LRP1B: variants seen among roughly 807,000 people sequenced by gnomAD.
LRP1B encodes the protein low-density lipoprotein receptor-related protein 1B.
In LRP1B, 217 loss-of-function variants were observed where a neutral mutation model predicts 556.6. The ratio of observed to expected loss-of-function variants is 0.39; its 90% CI spans 0.35 to 0.44. LRP1B has a LOEUF of 0.44. Among genes scored for constraint, LRP1B ranks in the 20% least tolerant of loss-of-function variants. LRP1B has a pLI of 1.00. For missense variants in LRP1B, 5,053 were observed against 5,620.8 expected (o/e 0.90, Z 3.23); for synonymous variants, 2,047 against 1,865.8 (o/e 1.10, Z -2.50).
intron 52 of LRP1B, 115 bp from the exon 53 acceptor site, chr2:140,507,033 A>C: frequency 9.1e-7 from 1 of 1,099,844 alleles, no homozygotes; most frequent in Admixed American, 2.6e-5. Context: ...TTACTGAGAA[A>C]AAGAAAACTT....
intron 7 of LRP1B, among the ~76,000 whole-genome samples, chr2:141,119,464 A>C (rs1274271125): frequency 6.6e-6 from 1 of 151,794 alleles, no homozygotes; most frequent in Non-Finnish European, 1.5e-5. Flanking sequence ...TACTAAAGTG[A>C]GAGAGGGAGG....
chr2:140,389,650 C>T (rs888310246), intron 66 of LRP1B, among the ~76,000 whole-genome samples: 4 of 147,788 alleles, frequency 2.7e-5, no homozygotes, highest in Non-Finnish European at 4.5e-5. Flanking sequence ...AGATACATAT[C>T]ATGTTTATGG....
chr2:140,319,307 A>G (rs1292230745), intron 82 of LRP1B, among the ~76,000 whole-genome samples: 2 of 152,260 alleles, frequency 1.3e-5, no homozygotes, highest in Middle Eastern at 3.4e-3. Flanking sequence ...GTCACTTGGT[A>G]GCATTATTAG....
At chr2:141,051,906 T>C (rs1393050636) in intron 10 of LRP1B, among the ~76,000 whole-genome samples, 1 of 152,020 alleles carries the variant, frequency 6.6e-6, no homozygotes, top group Admixed American at 6.6e-5. Flanking sequence ...TGTATGTAGG[T>C]ATTTTTTCAA....
chr2:141,500,116 C>A (rs538067132), intron 2 of LRP1B, among the ~76,000 whole-genome samples: 2 of 152,084 alleles, frequency 1.3e-5, no homozygotes, highest in Non-Finnish European at 2.9e-5. Flanking sequence ...GGATGTCTTA[C>A]TGAAGACAGT....
chr2:141,623,865 A>C (rs1004222078), intron 2 of LRP1B, among the ~76,000 whole-genome samples: 8 of 151,604 alleles, frequency 5.3e-5, no homozygotes, highest in Non-Finnish European at 1.2e-4. Flanking sequence ...AAATACAAAA[A>C]TTAGCCGGGC....
At chr2:141,936,340 GT>G (rs1360122854) in intron 1 of LRP1B, among the ~76,000 whole-genome samples, 2 of 152,118 alleles carry the variant, frequency 1.3e-5, no homozygotes, top group Non-Finnish European at 2.9e-5. Flanking sequence ...AAATAAACTA[GT>G]TTAATGATCA....
chr2:140,345,741 T>TATATAC (rs1558817857), intron 77 of LRP1B, among the ~76,000 whole-genome samples: 6 of 123,572 alleles, frequency 4.9e-5, no homozygotes, highest in African/African-American at 1.4e-4. Flanking sequence ...TATATATACA[T>TATATAC]ATATATACAC....
chr2:141,015,996 G>C, intron 12 of LRP1B, 81 bp from the exon 13 acceptor site: 1 of 1,053,190 alleles, frequency 9.5e-7, no homozygotes, highest in Non-Finnish European at 1.5e-6. Context: ...AGATTTGGCA[G>C]TTCCATAAAT....
intron 3 of LRP1B, among the ~76,000 whole-genome samples, chr2:141,316,807 A>G (rs1687053579): frequency 6.6e-6 from 1 of 152,224 alleles, no homozygotes; most frequent in African/African-American, 2.4e-5. Context: ...GCACAGCCCC[A>G]TAGTGTTACA....
At chr2:140,463,728 G>A (rs1032487291) in intron 60 of LRP1B, among the ~76,000 whole-genome samples, 8 of 152,098 alleles carry the variant, frequency 5.3e-5, no homozygotes, top group African/African-American at 1.7e-4. Flanking sequence ...TTTCCTTTTA[G>A]TATAGGTCAC....
intron 27 of LRP1B, among the ~76,000 whole-genome samples, chr2:140,856,736 GATACACACACACACAC>G (rs765984979): frequency 3.1e-3 from 399 of 128,974 alleles, no homozygotes; most frequent in Non-Finnish European, 4.5e-3. Flanking sequence ...AACTAAGAGA[GATACACACACACACAC>G]ACACACACAC....
chr2:140,766,859 T>TATATATATA (rs1689137196), intron 35 of LRP1B, among the ~76,000 whole-genome samples: 701 of 50,158 alleles, frequency 0.014, 15 homozygotes, highest in African/African-American at 0.028. Flanking sequence ...TATATATATA[T>TATATATATA]ATATATAATA....
chr2:141,737,321 C>T (rs1342115000), intron 2 of LRP1B, among the ~76,000 whole-genome samples: 1 of 152,154 alleles, frequency 6.6e-6, no homozygotes, highest in East Asian at 1.9e-4. Context: ...CACTGCACTC[C>T]AGGCTGGACA....
intron 3 of LRP1B, among the ~76,000 whole-genome samples, chr2:141,382,390 T>C (rs1689674964): frequency 6.6e-6 from 1 of 152,238 alleles, no homozygotes; most frequent in Non-Finnish European, 1.5e-5. Flanking sequence ...CTTCTCCTGC[T>C]ACACTCAGAG....
chr2:140,533,905 G>A, intron 47 of LRP1B, 116 bp downstream of exon 47: 1 of 1,043,834 alleles, frequency 9.6e-7, no homozygotes, highest in Non-Finnish European at 1.4e-6. Flanking sequence ...ACCAAAGTGT[G>A]ATCCATAGAT....
chr2:141,572,859 C>A (rs1251703504), intron 2 of LRP1B, among the ~76,000 whole-genome samples: 1 of 152,118 alleles, frequency 6.6e-6, no homozygotes, highest in Non-Finnish European at 1.5e-5. Flanking sequence ...AAGGGAATTA[C>A]ATAATGGTAA....
At chr2:141,746,579 G>A (rs1427232866) in intron 2 of LRP1B, among the ~76,000 whole-genome samples, 1 of 152,040 alleles carries the variant, frequency 6.6e-6, no homozygotes, top group African/African-American at 2.4e-5. Context: ...CTTCAGTGCT[G>A]CTTTCAGACA....
rs770127595 is a variant in LRP1B, at chr2:140,247,088, G to A, written c.13322C>T (p.Thr4441Ile). 23 of 1,607,232 alleles carry A rather than the reference G, an allele frequency of 1.4e-5. No homozygotes were observed. Among genetic ancestry groups the A allele is most frequent in the South Asian group, 5.5e-5 (5 of 90,936 alleles). ...AAATATTAATCTGAGAAACTTACTTGTGCTGATATGATCAGACTTGCTGCT... is the reference window on the plus strand; with the variant it reads ...AAATATTAATCTGAGAAACTTACTTATGCTGATATGATCAGACTTGCTGCT... ...PKSSKSDHIS[T>I]RSIAIIVPLV... is the part of the protein sequence containing the mutation. The change falls in exon 87 of 91, where the codon ACA becomes ATA. Residue 4441 changes from threonine (T) to isoleucine (I), a missense_variant and splice_region_variant. Physicochemically the swap from Thr to Ile is moderately conservative, Grantham distance 89 (BLOSUM62 -1). Coordinates refer to ENST00000389484, the MANE Select transcript of LRP1B (RefSeq NM_018557.3).
Sources: allele counts gnomAD v4.1 joint callset (sites outside exome capture counted in the v4.1 genomes callset), GRCh38; gene constraint gnomAD v4.1.1; transcripts MANE v1.5; gene names NCBI Gene and HGNC (gene_info 2026-07-23, HGNC 2026-07-21).